Variants in WWTR1 observed in about 807,000 individuals in gnomAD.
The protein encoded by WWTR1 is WW domain-containing transcription regulator protein 1.
Under a neutral mutation model 40.1 loss-of-function variants are expected in WWTR1, and 13 were observed. The observed-to-expected ratio is 0.32, with a 90% confidence interval of 0.21 to 0.52. The LOEUF (loss-of-function observed/expected upper bound fraction) is 0.52. WWTR1 is among the 20% of genes least tolerant of loss of function. The pLI is 0.97. For synonymous variants in WWTR1, 230 were observed against 210.1 expected, an observed-to-expected ratio of 1.09 and a Z score of -0.82; for missense variants, 436 against 523.1, an observed-to-expected ratio of 0.83 and a Z score of 1.63.
intron 2 of WWTR1, among the ~76,000 whole-genome samples, chr3:149,664,655 C>T (rs1427831872): frequency 6.7e-6 from 1 of 150,214 alleles, no homozygotes; most frequent in Non-Finnish European, 1.5e-5. Context: ...ATGGCGCCAT[C>T]TCGGCTCACC....
At chr3:149,642,147 G>A (rs1342730441) in intron 2 of WWTR1, among the ~76,000 whole-genome samples, 13 of 151,824 alleles carry the variant, frequency 8.6e-5, no homozygotes, top group East Asian at 1.9e-4. Flanking sequence ...GTGGCCGGGC[G>A]TGGTGGCTCA....
chr3:149,708,392 G>T (rs924906439), intron 5 of WWTR1, among the ~76,000 whole-genome samples: 1 of 151,994 alleles, frequency 6.6e-6, no homozygotes, highest in Non-Finnish European at 1.5e-5. Flanking sequence ...GTACATTCAC[G>T]TTGTACAACC....
chr3:149,601,199 C>T (rs1374006205), intron 2 of WWTR1, among the ~76,000 whole-genome samples: 1 of 151,942 alleles, frequency 6.6e-6, no homozygotes, highest in Non-Finnish European at 1.5e-5. Context: ...TATAGTTTTT[C>T]TTTCTTTTTG....
chr3:149,562,151 C>T (rs1017811861), intron 3 of WWTR1, among the ~76,000 whole-genome samples: 8 of 151,948 alleles, frequency 5.3e-5, no homozygotes, highest in Non-Finnish European at 7.4e-5. Flanking sequence ...AAAAATTAGC[C>T]GGGCATGGTG....
chr3:149,540,381 A>G (rs1736037627), intron 4 of WWTR1: 4 of 423,614 alleles, frequency 9.4e-6, no homozygotes, highest in South Asian at 1.7e-5. Flanking sequence ...ACCCCTTTTC[A>G]GAAATACTTT....
chr3:149,669,203 C>A lies in WWTR1; in HGVS notation c.-4+585G>T, dbSNP rs533252756. On this transcript the variant is annotated intron_variant, in intron 2 of 7. Transcript: ENST00000465804. ...ACAAGAACCCCCACATATACAAGAA[C>A]AATACACATATACAATATACCCCCA... 6.7e-4 allele frequency among the ~76,000 whole-genome samples: 102 copies of A among 152,222 alleles called. 1 individual carries two copies. The highest frequency in any genetic ancestry group is 1.2e-3 in the Non-Finnish European group (79 of 67,992).
intron 3 of WWTR1, among the ~76,000 whole-genome samples, chr3:149,547,527 A>T (rs1425139293): frequency 2.0e-5 from 3 of 151,212 alleles, no homozygotes; most frequent in Non-Finnish European, 3.0e-5. Context: ...ACTCCAGCTT[A>T]AAAAAAAAGA....
chr3:149,662,318 T>C (rs1460688496), upstream of WWTR1, among the ~76,000 whole-genome samples: 1 of 152,226 alleles, frequency 6.6e-6, no homozygotes, highest in African/African-American at 2.4e-5. Context: ...TTTGTCTGAC[T>C]ATCTCATAAA....
At chr3:149,594,499 T>C (rs1354118662) in intron 2 of WWTR1, among the ~76,000 whole-genome samples, 1 of 152,174 alleles carries the variant, frequency 6.6e-6, no homozygotes, top group Non-Finnish European at 1.5e-5. Context: ...ATTCACAAAA[T>C]CATTTATGCT....
intron 2 of WWTR1, among the ~76,000 whole-genome samples, chr3:149,647,970 A>C (rs1391218561): frequency 3.3e-5 from 5 of 152,202 alleles, no homozygotes; most frequent in African/African-American, 7.2e-5. Flanking sequence ...AATACAAGTC[A>C]GTACAAGCTC....
At position 149,520,524 on chromosome 3, in the gene WWTR1, G is replaced by A. The variant is rs1216343647; in HGVS notation, c.*281C>T. On this transcript the variant is annotated 3_prime_UTR_variant, in exon 7 of 7. Coordinates refer to ENST00000360632, the MANE Select transcript of WWTR1 (RefSeq NM_015472.6). ...GCCATGGGGCAGCAGAGAAGAAAGA[G>A]AAAAGTATTCTGCATAATCAATCCT... The A allele has an allele frequency of 7.3e-6, 2 of 272,728 alleles. No individual in the cohort carries two copies. Among genetic ancestry groups the A allele is most frequent in the Non-Finnish European group, 1.4e-5 (2 of 148,008 alleles). 16.9% of individuals were successfully genotyped at this position (272,728 alleles called of 1,614,324 possible).
At chr3:149,547,813 C>A (rs537911120) in intron 3 of WWTR1, among the ~76,000 whole-genome samples, 33 of 150,190 alleles carry the variant, frequency 2.2e-4, no homozygotes, top group African/African-American at 7.3e-4. Flanking sequence ...TTTTCATCTC[C>A]TTTTCCCTTT....
At chr3:149,530,586 A>G (rs1735527705) in intron 4 of WWTR1, among the ~76,000 whole-genome samples, 1 of 151,734 alleles carries the variant, frequency 6.6e-6, no homozygotes, top group African/African-American at 2.4e-5. Context: ...TTTCCAGTAA[A>G]TAAAACATAA....
upstream of WWTR1, among the ~76,000 whole-genome samples, chr3:149,705,763 C>T (rs1469165187): frequency 6.6e-6 from 1 of 152,060 alleles, no homozygotes; most frequent in East Asian, 1.9e-4. Flanking sequence ...TTCCAACTGG[C>T]AAAAATAGTT....
chr3:149,605,567 A>G (rs973851223), intron 2 of WWTR1, among the ~76,000 whole-genome samples: 2 of 152,196 alleles, frequency 1.3e-5, no homozygotes, highest in African/African-American at 2.4e-5. Flanking sequence ...TGCTTTGGAC[A>G]TGTTGCCTTT....
chr3:149,657,175 C>T lies in WWTR1; in HGVS notation c.132G>A (p.Arg44=), dbSNP rs772539984. The T allele has an allele frequency of 6.2e-6, 10 of 1,609,312 alleles. No individual in the cohort carries two copies. The Admixed American group carries it at 1.5e-4, about 24-fold the overall frequency. Reference sequence around the variant, plus strand: ...AGAAAGACTCCGGCAGGATCTTCTTCCGCCACGAGCTAGGCTTCGGATTCA... The same window carrying T: ...AGAAAGACTCCGGCAGGATCTTCTTTCGCCACGAGCTAGGCTTCGGATTCA... ...SVMNPKPSSW[R]KKILPESFFK... The change falls in exon 2 of 7, where the codon CGG becomes CGA. Residue 44 remains arginine (R), a synonymous_variant. Transcript: ENST00000360632.
At chr3:149,626,549 G>T (rs958984089) in intron 2 of WWTR1, among the ~76,000 whole-genome samples, 1 of 151,388 alleles carries the variant, frequency 6.6e-6, no homozygotes, top group Admixed American at 6.6e-5. Context: ...GTGATGTTCA[G>T]TATAGAAAAA....
chr3:149,598,136 C>T (rs1739085879), intron 2 of WWTR1, among the ~76,000 whole-genome samples: 1 of 152,108 alleles, frequency 6.6e-6, no homozygotes. Context: ...ACCAGAAAAG[C>T]CGTAAAGGCA....
rs984949740 is a variant in WWTR1, at chr3:149,713,242, T to A, written n.584+4200A>T. On this transcript the variant is annotated intron_variant and non_coding_transcript_variant, in intron 5 of 6. Coordinates refer to the WWTR1 transcript ENST00000474080. Reference sequence around the variant, plus strand: ...ATAATTAAGTTAAAATATTTGACTTTAAAAAAACATTTTCACACATAAACC... The same window carrying A: ...ATAATTAAGTTAAAATATTTGACTTAAAAAAAACATTTTCACACATAAACC... Among the ~76,000 whole-genome samples, 3 of 152,252 alleles carry A rather than the reference T, an allele frequency of 2.0e-5. No homozygotes were observed. The South Asian group carries it at 6.2e-4, about 32-fold the overall frequency.
Sources: allele counts gnomAD v4.1 joint callset (sites outside exome capture counted in the v4.1 genomes callset), GRCh38; gene constraint gnomAD v4.1.1; transcripts MANE v1.5; gene names NCBI Gene and HGNC (gene_info 2026-07-23, HGNC 2026-07-21).